SIDT1: variants seen among roughly 807,000 people sequenced by gnomAD.
SIDT1 encodes SID1 transmembrane family member 1, also known as SID1 transmembrane family, member 1.
Under a neutral mutation model 107.5 loss-of-function variants are expected in SIDT1, and 101 were observed. The observed-to-expected ratio is 0.94, with a 90% CI of 0.80 to 1.11. SIDT1 has a LOEUF of 1.11. Among genes scored for constraint, SIDT1 ranks in the 50% least tolerant of loss-of-function variants. The pLI, the probability that SIDT1 is intolerant of heterozygous loss-of-function variation, is 0.00. For synonymous variants in SIDT1, 395 were observed against 398.2 expected (o/e 0.99, Z 0.10); for missense variants, 1,076 against 1,058.2 (o/e 1.02, Z -0.23).
intron 1 of SIDT1, among the ~76,000 whole-genome samples, chr3:113,551,887 T>C (rs370077965): frequency 1.3e-5 from 2 of 151,476 alleles, no homozygotes; most frequent in Admixed American, 6.6e-5. Context: ...CAATGCTGGG[T>C]TCCTTCTTTG....
intron 19 of SIDT1, among the ~76,000 whole-genome samples, chr3:113,614,299 A>G (rs1560129804): frequency 6.6e-6 from 1 of 152,200 alleles, no homozygotes; most frequent in Non-Finnish European, 1.5e-5. Context: ...TCATCCACAC[A>G]GGCCCGCCTC....
In SIDT1 at chr3:113,604,903, T is replaced by A. The variant is rs554899508; in HGVS notation, c.1338-7T>A. The stretch of plus-strand genomic sequence containing the variant: ...ATAAGCATTTCTGGTTCTTTCTGCC[T>A]GCATAGGAACATCATCACCATTGCT... On this transcript the variant is annotated splice_region_variant and splice_polypyrimidine_tract_variant and intron_variant, in intron 13 of 24. Coordinates refer to ENST00000264852, the MANE Select transcript of SIDT1 (RefSeq NM_017699.3). 1 of 1,614,094 alleles carries A rather than the reference T, an allele frequency of 6.2e-7. No homozygotes were observed. Among genetic ancestry groups the A allele is most frequent in the African/African-American group, 1.3e-5 (1 of 75,060 alleles).
At chr3:113,623,326 AAG>A in intron 21 of SIDT1, 99 bp from the exon 22 acceptor site, 1 of 619,000 alleles carries the variant, frequency 1.6e-6, no homozygotes, top group Non-Finnish European at 2.8e-6. Context: ...AAAAAAAAAA[AAG>A]AACCTGCCCC....
At chr3:113,631,237 T>TA (rs1947092201), downstream of SIDT1, among the ~76,000 whole-genome samples, 1 of 152,232 alleles carries the variant, frequency 6.6e-6, no homozygotes, top group African/African-American at 2.4e-5. Context: ...TTTCAGGGAA[T>TA]GCCACGTGCA....
chr3:113,538,146 C>A (rs543960643), intron 1 of SIDT1, among the ~76,000 whole-genome samples: 2 of 152,274 alleles, frequency 1.3e-5, no homozygotes, highest in South Asian at 4.1e-4. Flanking sequence ...AATTACTTTC[C>A]AAAGGCCCTA....
At chr3:113,635,719 T>C in the SIDT1 span, among the ~76,000 whole-genome samples, 8 of 151,384 alleles carry the variant, frequency 5.3e-5, no homozygotes, top group South Asian at 6.3e-4. Flanking sequence ...ACAAAAAAAT[T>C]AGCCAGGCGT....
intron 12 of SIDT1, 27 bp from the exon 13 acceptor site, chr3:113,603,933 G>A: frequency 1.9e-6 from 3 of 1,559,264 alleles, no homozygotes; most frequent in South Asian, 2.2e-5. Context: ...GTACAGTTTT[G>A]CATTCTCTTT....
At chr3:113,634,229 G>T (rs924533838), downstream of SIDT1, among the ~76,000 whole-genome samples, 2 of 152,230 alleles carry the variant, frequency 1.3e-5, no homozygotes, top group Non-Finnish European at 2.9e-5. Context: ...CACTCTGCTA[G>T]AGGACAAGTA....
intron 19 of SIDT1, 172 bp from the exon 20 acceptor site, chr3:113,615,928 A>G (rs1036014285): frequency 2.9e-5 from 19 of 645,258 alleles, no homozygotes; most frequent in Admixed American, 1.4e-4. Context: ...CTCTATGACG[A>G]TACCATTTTT....
chr3:113,567,949 A>G (rs768892542), intron 3 of SIDT1: 3 of 418,882 alleles, frequency 7.2e-6, no homozygotes, highest in Non-Finnish European at 1.3e-5. Context: ...TTCAGGGATC[A>G]GTGTGAGGAA....
intron 10 of SIDT1, 36 bp from the exon 11 acceptor site, chr3:113,601,552 G>C: frequency 7.0e-7 from 1 of 1,431,028 alleles, no homozygotes; most frequent in East Asian, 2.3e-5. Context: ...TTAGCAACTG[G>C]ACATAAAGTG....
chr3:113,581,241 G>T, intron 5 of SIDT1, 120 bp from the exon 6 acceptor site: 2 of 793,452 alleles, frequency 2.5e-6, no homozygotes, highest in Non-Finnish European at 4.2e-6. Context: ...CCTAGTTTCT[G>T]GTTAATAAGG....
rs367643346 is a variant in SIDT1 at position 113,604,387 on chromosome 3, A to G, written c.1337+354A>G. ...GGACAATGGGGCCACATGAAATTTC[A>G]TAGTGGGACCATCAGTTTGGAAACC... On this transcript the variant is annotated intron_variant, in intron 13 of 24. Coordinates refer to ENST00000264852, the MANE Select transcript of SIDT1 (RefSeq NM_017699.3). Among the ~76,000 whole-genome samples the G allele has an allele frequency of 4.2e-4, 64 of 152,348 alleles. 1 individual carries two copies. The highest frequency in any genetic ancestry group is 6.3e-4 in the African/African-American group (26 of 41,582).
In SIDT1 at chr3:113,616,175, T is replaced by G. The variant is rs1946089891; in HGVS notation, c.2042T>G (p.Met681Arg). The change falls in exon 20 of 25, where the codon ATG becomes AGG. Residue 681 changes from methionine to arginine, a missense_variant and splice_region_variant. Met to Arg is a moderately conservative substitution (Grantham distance 91). Coordinates refer to ENST00000264852, the MANE Select transcript of SIDT1 (RefSeq NM_017699.3). ...CIQQCSRPLY[M>R]DRMVLLVVGN... Reference sequence around the variant, plus strand: ...CAGCAGTGTAGCCGACCTCTATATATGGTATGTGCATGTTCCTGTGTTCTT... The same window carrying G: ...CAGCAGTGTAGCCGACCTCTATATAGGGTATGTGCATGTTCCTGTGTTCTT... The G allele has an allele frequency of 6.2e-7, 1 of 1,608,932 alleles. No individual in the cohort carries two copies. Among genetic ancestry groups the G allele is most frequent in the Admixed American group, 1.7e-5 (1 of 59,992 alleles).
At chr3:113,623,768 C>G (rs377554391) in intron 23 of SIDT1, 35 bp downstream of exon 23, 29 of 1,439,196 alleles carry the variant, frequency 2.0e-5, no homozygotes, top group Non-Finnish European at 2.8e-5. Context: ...AAAACAACCT[C>G]TCTCTCCAAC....
At chr3:113,560,209 G>A (rs1160990298) in intron 1 of SIDT1, among the ~76,000 whole-genome samples, 4 of 152,108 alleles carry the variant, frequency 2.6e-5, no homozygotes, top group Admixed American at 1.3e-4. Flanking sequence ...CATCAAGCAG[G>A]CAATGGCAGG....
chr3:113,567,473 C>T (rs1201340912), intron 2 of SIDT1, 67 bp from the exon 3 acceptor site: 3 of 1,337,128 alleles, frequency 2.2e-6, no homozygotes, highest in East Asian at 2.4e-5. Flanking sequence ...AGGCTCCTTT[C>T]CCTGCTCATT....
At chr3:113,600,878 ATC>A (rs1944912379) in intron 10 of SIDT1, among the ~76,000 whole-genome samples, 1 of 152,202 alleles carries the variant, frequency 6.6e-6, no homozygotes, top group African/African-American at 2.4e-5. Context: ...TTATGAGGGG[ATC>A]TCCAAGCCTA....
intron 12 of SIDT1, among the ~76,000 whole-genome samples, chr3:113,603,386 A>G (rs1945101235): frequency 6.6e-6 from 1 of 152,174 alleles, no homozygotes; most frequent in Admixed American, 6.5e-5. Flanking sequence ...AACACTCTTA[A>G]GGTCTGAAGT....
Sources: allele counts gnomAD v4.1 joint callset (sites outside exome capture counted in the v4.1 genomes callset), GRCh38; gene constraint gnomAD v4.1.1; transcripts MANE v1.5; gene names NCBI Gene and HGNC (gene_info 2026-07-23, HGNC 2026-07-21).